The following PYROXD1 variants were observed in gnomAD, a reference collection of about 807,000 sequenced individuals.
PYROXD1 encodes tRNA ligase complex-associated NAD(P)H dehydrogenase PYROXD1.
Under a neutral mutation model 62.0 loss-of-function variants are expected in PYROXD1, and 42 were observed. The ratio of observed to expected loss-of-function variants is 0.68; its 90% confidence interval spans 0.53 to 0.88. The LOEUF is 0.88. Among genes scored for constraint, PYROXD1 ranks in the 40% least tolerant of loss-of-function variants. The pLI is 0.00. For synonymous variants in PYROXD1, 170 were observed against 206.4 expected (o/e 0.82, Z 1.51); for missense variants, 493 against 604.8 (o/e 0.82, Z 1.94).
chr12:21,459,942 C>T (rs536043830), intron 7 of PYROXD1, among the ~76,000 whole-genome samples: 2 of 152,132 alleles, frequency 1.3e-5, no homozygotes, highest in South Asian at 2.1e-4. Flanking sequence ...AGTAAACTTA[C>T]AAAAGTTATT....
intron 5 of PYROXD1, 99 bp downstream of exon 5, chr12:21,452,253 A>G: frequency 1.3e-6 from 1 of 798,256 alleles, no homozygotes; most frequent in Non-Finnish European, 1.8e-6. Context: ...ATTTGTTGGC[A>G]GACTGGAAAA....
intron 3 of PYROXD1, among the ~76,000 whole-genome samples, chr12:21,446,831 C>A (rs188334500): frequency 6.6e-6 from 1 of 151,986 alleles, no homozygotes; most frequent in Admixed American, 6.6e-5. Flanking sequence ...GGGAAGATCA[C>A]CTGAGCCTGG....
chr12:21,438,532 C>A (rs558355770), intron 1 of PYROXD1: 4 of 152,120 alleles, frequency 2.6e-5, no homozygotes, highest in Non-Finnish European at 5.9e-5. Context: ...AATAAAGAAT[C>A]CCATATGTAA....
chr12:21,449,983 G>T (rs1424931521), intron 4 of PYROXD1, among the ~76,000 whole-genome samples: 2 of 149,966 alleles, frequency 1.3e-5, no homozygotes, highest in African/African-American at 4.9e-5. Context: ...TCAGCCTCCC[G>T]AGAAGCTGGG....
At position 21,468,673 on chromosome 12, in the gene PYROXD1, A is replaced by T; in HGVS notation, c.1422A>T (p.Leu474=). The change falls in exon 12 of 12, where the codon CTA becomes CTT. Residue 474 remains leucine, a synonymous_variant. Coordinates refer to ENST00000240651, the MANE Select transcript of PYROXD1 (RefSeq NM_024854.5). ...ATTTAGAAGAAACATTTGAAAACCTAATCTTAAACCAAATGAATCTTTCAT... is the reference window on the plus strand; with the variant it reads ...ATTTAGAAGAAACATTTGAAAACCTTATCTTAAACCAAATGAATCTTTCAT... ...ETDLEETFEN[L]ILNQMNLSSY... is the part of the protein sequence containing the mutation. 2 of 1,612,326 alleles carry T rather than the reference A, an allele frequency of 1.2e-6. No homozygotes were observed. Among genetic ancestry groups the T allele is most frequent in the Non-Finnish European group, 1.7e-6 (2 of 1,179,000 alleles).
Position 21,439,813 on chromosome 12 carries a change from T to C in PYROXD1, c.85-555T>C, listed in dbSNP as rs540479818. Among the ~76,000 whole-genome samples, 4 of 152,300 alleles carry C rather than the reference T, an allele frequency of 2.6e-5. No homozygotes were observed. In the East Asian group the frequency reaches 7.7e-4, roughly 29 times the overall value. ...AAAATAATGAAACATTAACAAGTTA[T>C]ACCTCTAAATTTTGTGGAAGCAATT... On this transcript the variant is annotated intron_variant, in intron 1 of 11. Coordinates refer to ENST00000240651, the MANE Select transcript of PYROXD1 (RefSeq NM_024854.5).
intron 7 of PYROXD1, among the ~76,000 whole-genome samples, chr12:21,457,959 T>C (rs1235829784): frequency 6.6e-6 from 1 of 152,150 alleles, no homozygotes; most frequent in Admixed American, 6.5e-5. Context: ...GTAGATGTAG[T>C]ATAGTTCTTA....
intron 11 of PYROXD1, 32 bp downstream of exon 11, chr12:21,467,650 T>C (rs1942825759): frequency 1.3e-6 from 2 of 1,519,096 alleles, no homozygotes; most frequent in African/African-American, 2.8e-5. Flanking sequence ...ATGCCTTCTC[T>C]GCTTGTTAGT....
intron 3 of PYROXD1, among the ~76,000 whole-genome samples, chr12:21,449,359 A>C (rs1942449006): frequency 1.8e-5 from 2 of 113,204 alleles, no homozygotes; most frequent in Admixed American, 1.8e-4. Context: ...CATGAGCTTA[A>C]AATGATTTAA....
rs199682507 is a variant in PYROXD1 at position 21,437,820 on chromosome 12, G to A, written c.84+6G>A. ...GCGTCACTTGTGCGGAGCAGGTAGG[G>A]CGGTGCTCAGGCGGTTCCGCCTCTT... On this transcript the variant is annotated splice_donor_region_variant and intron_variant, in intron 1 of 11. Transcript: ENST00000240651. 26 of 1,610,992 alleles carry A rather than the reference G, an allele frequency of 1.6e-5. No homozygotes were observed. The East Asian group carries it at 5.6e-4, about 35-fold the overall frequency.
At chr12:21,437,839 G>T (rs762774959) in intron 1 of PYROXD1, 25 bp downstream of exon 1, 1 of 1,602,456 alleles carries the variant, frequency 6.2e-7, no homozygotes, top group South Asian at 1.1e-5. Flanking sequence ...AGGCGGTTCC[G>T]CCTCTTTCCC....
chr12:21,450,079 C>T (rs1377596928), intron 4 of PYROXD1, among the ~76,000 whole-genome samples: 1 of 150,686 alleles, frequency 6.6e-6, no homozygotes, highest in Non-Finnish European at 1.5e-5. Context: ...CCATGTTAGC[C>T]AGGATGGTCT....
intron 2 of PYROXD1, among the ~76,000 whole-genome samples, chr12:21,445,143 G>C (rs546969438): frequency 6.6e-6 from 1 of 152,308 alleles, no homozygotes; most frequent in South Asian, 2.1e-4. Context: ...TGTAGCACCT[G>C]ACTTGCCCAG....
At chr12:21,452,407 G>T (rs1942517819) in intron 5 of PYROXD1, among the ~76,000 whole-genome samples, 1 of 151,898 alleles carries the variant, frequency 6.6e-6, no homozygotes, top group African/African-American at 2.4e-5. Flanking sequence ...AATGCTTTAG[G>T]TCTCAAGGTG....
chr12:21,470,253 G>A lies in PYROXD1; in HGVS notation c.*1499G>A, dbSNP rs1434521200. 2 of 1,609,216 alleles carry A rather than the reference G, an allele frequency of 1.2e-6. No individual in the cohort carries two copies. Among genetic ancestry groups the A allele is most frequent in the Non-Finnish European group, 8.5e-7 (1 of 1,178,306 alleles). On this transcript the variant is annotated 3_prime_UTR_variant, in exon 12 of 12. Transcript: ENST00000240651. ...GTATTCTTAGAACCAGATTGCTGAA[G>A]CATGTTTGCAGCCTTCTTCTGGAAG...
At chr12:21,456,656 T>A (rs561984262) in intron 7 of PYROXD1, among the ~76,000 whole-genome samples, 1 of 152,284 alleles carries the variant, frequency 6.6e-6, no homozygotes, top group South Asian at 2.1e-4. Context: ...TGGTGCTTGC[T>A]GAAGGTTTGG....
chr12:21,442,752 C>T (rs1942319183), intron 2 of PYROXD1, among the ~76,000 whole-genome samples: 1 of 152,178 alleles, frequency 6.6e-6, no homozygotes, highest in South Asian at 2.1e-4. Flanking sequence ...GTTGTTGGTC[C>T]CCTCACAGTA....
intron 11 of PYROXD1, 57 bp downstream of exon 11, chr12:21,467,675 A>G: frequency 7.9e-7 from 1 of 1,271,242 alleles, no homozygotes. Context: ...TGACTATGAT[A>G]AATCATGTGA....
chr12:21,464,792 T>C (rs1235344620), intron 10 of PYROXD1, among the ~76,000 whole-genome samples: 1 of 151,998 alleles, frequency 6.6e-6, no homozygotes, highest in Admixed American at 6.6e-5. Flanking sequence ...TTGTTACATA[T>C]GTATACATGT....
Sources: gnomAD v4.1 joint callset for allele counts (sites outside exome capture counted in the v4.1 genomes callset) on GRCh38, gnomAD v4.1.1 for gene constraint, MANE v1.5 for transcripts, NCBI Gene and HGNC (gene_info 2026-07-23, HGNC 2026-07-21) for gene names.